MAST4: variants seen among roughly 807,000 people sequenced by gnomAD.
MAST4 encodes the protein microtubule-associated serine/threonine-protein kinase 4.
Under a neutral mutation model 162.7 loss-of-function variants are expected in MAST4, and 89 were observed. The observed-to-expected ratio is 0.55, with a 90% CI of 0.46 to 0.65. The LOEUF (loss-of-function observed/expected upper bound fraction) is 0.65. MAST4 is among the 30% of genes least tolerant of loss of function. MAST4 has a pLI of 0.00. For synonymous variants in MAST4, 1,479 were observed against 1,361.1 expected, an observed-to-expected ratio of 1.09 and a Z score of -1.91; for missense variants, 3,153 against 3,374.0, an observed-to-expected ratio of 0.93 and a Z score of 1.62.
At chr5:66,792,992 C>A (rs1755487360) in intron 3 of MAST4, among the ~76,000 whole-genome samples, 1 of 152,094 alleles carries the variant, frequency 6.6e-6, no homozygotes, top group African/African-American at 2.4e-5. Context: ...AAAGTATAGG[C>A]CCTCAACGTG....
chr5:66,598,664 C>T (rs879735176), intron 1 of MAST4, among the ~76,000 whole-genome samples: 7 of 152,226 alleles, frequency 4.6e-5, no homozygotes, highest in Non-Finnish European at 1.0e-4. Context: ...CATTGGGAAG[C>T]TGGGGGTGTA....
chr5:67,001,032 T>C (rs999875917), intron 4 of MAST4, among the ~76,000 whole-genome samples: 1 of 152,204 alleles, frequency 6.6e-6, no homozygotes, highest in Non-Finnish European at 1.5e-5. Flanking sequence ...TAGGCTTAGT[T>C]GTTACACAAT....
At chr5:67,154,922 C>T (rs140032761) in intron 26 of MAST4, among the ~76,000 whole-genome samples, 4 of 152,336 alleles carry the variant, frequency 2.6e-5, no homozygotes, top group African/African-American at 9.6e-5. Context: ...GTGCTGGGCT[C>T]CTGTGTGCCT....
intron 3 of MAST4, among the ~76,000 whole-genome samples, chr5:66,841,579 T>C (rs541981517): frequency 6.6e-5 from 10 of 152,276 alleles, no homozygotes; most frequent in African/African-American, 2.4e-4. Context: ...TCTTGCTATA[T>C]GGTGAGAAGA....
chr5:66,972,769 G>A (rs1747602820), intron 4 of MAST4, among the ~76,000 whole-genome samples: 1 of 152,156 alleles, frequency 6.6e-6, no homozygotes, highest in Non-Finnish European at 1.5e-5. Context: ...TGTGGGGTGT[G>A]AGCTGCTCCT....
intron 8 of MAST4, among the ~76,000 whole-genome samples, chr5:67,101,884 C>T (rs1270434223): frequency 6.6e-6 from 1 of 151,768 alleles, no homozygotes; most frequent in Non-Finnish European, 1.5e-5. Flanking sequence ...AATATAAACA[C>T]ACCGAAGTTG....
intron 4 of MAST4, among the ~76,000 whole-genome samples, chr5:66,936,335 T>C (rs978286856): frequency 1.3e-5 from 2 of 152,200 alleles, no homozygotes; most frequent in Non-Finnish European, 2.9e-5. Flanking sequence ...ACAATGGAAA[T>C]GGTCATAATG....
chr5:66,971,420 C>A (rs1247264275), intron 4 of MAST4, among the ~76,000 whole-genome samples: 1 of 152,174 alleles, frequency 6.6e-6, no homozygotes, highest in Non-Finnish European at 1.5e-5. Flanking sequence ...GTGTTCTCAC[C>A]ATTGCGGTGT....
At chr5:66,816,699 G>T (rs1580523598) in intron 3 of MAST4, among the ~76,000 whole-genome samples, 1 of 152,200 alleles carries the variant, frequency 6.6e-6, no homozygotes, top group Non-Finnish European at 1.5e-5. Flanking sequence ...ACCCATGTTT[G>T]CCTTTGCACA....
At chr5:67,031,988 T>G (rs998379047) in intron 4 of MAST4, among the ~76,000 whole-genome samples, 1 of 152,208 alleles carries the variant, frequency 6.6e-6, no homozygotes, top group Admixed American at 6.5e-5. Context: ...CGTGACCTAC[T>G]TCTGTCACTT....
chr5:66,754,712 G>A (rs1294981881), intron 1 of MAST4, among the ~76,000 whole-genome samples: 2 of 152,152 alleles, frequency 1.3e-5, no homozygotes, highest in Admixed American at 1.3e-4. Flanking sequence ...TTAGCAGGGG[G>A]AGAAGAGCAA....
At chr5:67,131,995 A>G (rs762726801) in intron 16 of MAST4, 44 bp downstream of exon 16, 4 of 1,577,580 alleles carry the variant, frequency 2.5e-6, no homozygotes, top group Non-Finnish European at 3.5e-6. Flanking sequence ...GCCCAATACA[A>G]AGTTCTCGTA....
At chr5:67,151,763 T>C (rs1200606681) in intron 24 of MAST4, among the ~76,000 whole-genome samples, 3 of 140,244 alleles carry the variant, frequency 2.1e-5, no homozygotes, top group Non-Finnish European at 4.4e-5. Flanking sequence ...TTTCTTCTTT[T>C]TTTCTTTTTT....
In MAST4 at chr5:67,030,106, G is replaced by T. The variant is rs1173776047; in HGVS notation, c.675-24298G>T. Among the ~76,000 whole-genome samples, 4 of 152,052 alleles carry T rather than the reference G, an allele frequency of 2.6e-5. No homozygotes were observed. In the East Asian group the frequency reaches 7.7e-4, roughly 29 times the overall value. The stretch of plus-strand genomic sequence containing the variant: ...TATATTTAGGAGCATCTAGGAAATT[G>T]TAAAACCAAATTTCAAATTAAATGT... On this transcript the variant is annotated intron_variant, in intron 4 of 28. Coordinates refer to ENST00000403625, the MANE Select transcript of MAST4 (RefSeq NM_001164664.2).
At chr5:66,971,489 A>G (rs1747427549) in intron 4 of MAST4, among the ~76,000 whole-genome samples, 2 of 152,094 alleles carry the variant, frequency 1.3e-5, no homozygotes, top group South Asian at 2.1e-4. Context: ...CTGAGTAAGG[A>G]TTCCTCACCC....
At chr5:67,095,889 G>A (rs2150824187) in intron 7 of MAST4, among the ~76,000 whole-genome samples, 1 of 152,252 alleles carries the variant, frequency 6.6e-6, no homozygotes, top group East Asian at 1.9e-4. Context: ...CATAAATTGA[G>A]TAAGTTCCAG....
chr5:67,038,146 G>A (rs1262835369), intron 4 of MAST4, among the ~76,000 whole-genome samples: 1 of 151,476 alleles, frequency 6.6e-6, no homozygotes, highest in Non-Finnish European at 1.5e-5. Context: ...GGAACACTTT[G>A]TCTACCTGGC....
intron 1 of MAST4, among the ~76,000 whole-genome samples, chr5:66,639,916 T>C (rs1420557363): frequency 6.6e-6 from 1 of 152,182 alleles, no homozygotes; most frequent in Non-Finnish European, 1.5e-5. Context: ...GATATATCTA[T>C]CATCTCACAT....
chr5:66,932,254 T>C (rs1301059984), intron 4 of MAST4, among the ~76,000 whole-genome samples: 2 of 152,182 alleles, frequency 1.3e-5, no homozygotes, highest in Admixed American at 6.5e-5. Context: ...GAATTCCCAA[T>C]TGGGCATGGA....
Sources: allele counts gnomAD v4.1 joint callset (sites outside exome capture counted in the v4.1 genomes callset), GRCh38; gene constraint gnomAD v4.1.1; transcripts MANE v1.5; gene names NCBI Gene and HGNC (gene_info 2026-07-23, HGNC 2026-07-21).